Variants in LY75 observed in about 807,000 individuals in gnomAD.
LY75 encodes C-type lectin domain family 13 member B.
A neutral mutation model predicts 231.7 loss-of-function variants in LY75; 185 were observed. The ratio of observed to expected loss-of-function variants is 0.80; its 90% confidence interval spans 0.71 to 0.90. The LOEUF is 0.90. LY75 is among the 40% of genes least tolerant of loss of function. The pLI, the probability that LY75 is intolerant of heterozygous loss-of-function variation, is 0.00. For missense variants in LY75, 1,947 were observed against 2,050.2 expected (o/e 0.95, Z 0.97); for synonymous variants, 668 against 689.0 (o/e 0.97, Z 0.48).
chr2:159,838,047 C>A (rs1167266298), intron 25 of LY75, among the ~76,000 whole-genome samples: 2 of 152,198 alleles, frequency 1.3e-5, no homozygotes, highest in Non-Finnish European at 2.9e-5. Flanking sequence ...AGCTGCCTCT[C>A]CTCAGACACT....
chr2:159,827,934 A>C (rs1683524487), intron 28 of LY75, among the ~76,000 whole-genome samples: 3 of 152,020 alleles, frequency 2.0e-5, no homozygotes, highest in Admixed American at 2.0e-4. Flanking sequence ...AGGGAGTGGA[A>C]CATCACACAC....
chr2:159,870,243 G>C (rs1012137517), intron 13 of LY75, among the ~76,000 whole-genome samples: 4 of 152,104 alleles, frequency 2.6e-5, no homozygotes, highest in Non-Finnish European at 5.9e-5. Context: ...CTTGAGCCAG[G>C]AATCTGAGAT....
chr2:159,849,114 G>A (rs1185004111), intron 23 of LY75, among the ~76,000 whole-genome samples: 1 of 152,088 alleles, frequency 6.6e-6, no homozygotes, highest in Non-Finnish European at 1.5e-5. Context: ...GTAATAATTT[G>A]ATATTTATAT....
At chr2:159,901,504 A>C (rs1179436618) in intron 1 of LY75, among the ~76,000 whole-genome samples, 2 of 152,216 alleles carry the variant, frequency 1.3e-5, no homozygotes, top group Non-Finnish European at 2.9e-5. Flanking sequence ...GATCCCAAAC[A>C]GGTGAACTGG....
intron 11 of LY75, among the ~76,000 whole-genome samples, chr2:159,876,904 G>A (rs1301433557): frequency 6.6e-6 from 1 of 150,398 alleles, no homozygotes; most frequent in Non-Finnish European, 1.5e-5. Context: ...AGCTACTTGG[G>A]AGGCTGAGGC....
In LY75 at chr2:159,875,538, C is replaced by T. The variant is rs777126210; in HGVS notation, c.1880G>A (p.Ser627Asn). The change falls in exon 12 of 35, where the codon AGT becomes AAT. Residue 627 changes from serine to asparagine, a missense_variant. Ser to Asn is a conservative substitution (Grantham distance 46). Transcript: ENST00000263636. ...TGCTTCTTCAGGCCCAAGGGGTCCA[C>T]TCATTTTCTTGCAAATTGAAAGTGC... ...FKALSICKKM[S>N]GPLGPEEASP... 5 of 1,613,976 alleles carry T rather than the reference C, an allele frequency of 3.1e-6. No homozygotes were observed. The African/African-American group carries it at 5.3e-5, about 17-fold the overall frequency.
intron 2 of LY75, among the ~76,000 whole-genome samples, chr2:159,894,390 G>A (rs1472385970): frequency 6.6e-6 from 1 of 152,232 alleles, no homozygotes; most frequent in Non-Finnish European, 1.5e-5. Flanking sequence ...GGCGCTGAAA[G>A]AGCCTGGCTT....
intron 25 of LY75, among the ~76,000 whole-genome samples, chr2:159,838,888 C>G (rs952957152): frequency 6.6e-6 from 1 of 152,058 alleles, no homozygotes; most frequent in Admixed American, 6.6e-5. Context: ...CTCCACCTCC[C>G]AGGTTCAAGT....
rs1188465686 is a variant in LY75, at chr2:159,872,437, T to G, written c.2117+14A>C. The stretch of plus-strand genomic sequence containing the variant: ...TCAAATTCAGCATAGAAATTCTCAT[T>G]CTTAAAGTATTACCTGAACTGGTCC... On this transcript the variant is annotated intron_variant, in intron 13 of 34. Coordinates refer to ENST00000263636, the MANE Select transcript of LY75 (RefSeq NM_002349.4). The G allele has an allele frequency of 3.1e-6, 5 of 1,611,212 alleles. No individual in the cohort carries two copies. Among genetic ancestry groups the G allele is most frequent in the African/African-American group, 2.7e-5 (2 of 74,672 alleles).
intron 25 of LY75, among the ~76,000 whole-genome samples, chr2:159,837,145 T>C (rs1683854483): frequency 6.6e-6 from 1 of 152,180 alleles, no homozygotes; most frequent in African/African-American, 2.4e-5. Context: ...ACTGGGTATA[T>C]ACCCAGAGGA....
chr2:159,808,695 CAG>C (rs1384058030), intron 32 of LY75, 124 bp from the exon 33 acceptor site: 1 of 1,353,756 alleles, frequency 7.4e-7, no homozygotes, highest in African/African-American at 1.5e-5. Context: ...AAGCCTTACA[CAG>C]AGACAGTTTT....
chr2:159,872,337 T>C (rs2125867721), intron 13 of LY75, 114 bp downstream of exon 13: 3 of 1,375,482 alleles, frequency 2.2e-6, no homozygotes, highest in Middle Eastern at 3.9e-4. Flanking sequence ...ACCTTTTAGA[T>C]AATAAAACAT....
At chr2:159,870,499 AAC>A (rs1684978652) in intron 13 of LY75, among the ~76,000 whole-genome samples, 1 of 152,014 alleles carries the variant, frequency 6.6e-6, no homozygotes. Flanking sequence ...TTTCAAAGAA[AAC>A]ATTCTATTCA....
intron 2 of LY75, among the ~76,000 whole-genome samples, chr2:159,896,152 T>C (rs1163625891): frequency 6.6e-6 from 1 of 152,226 alleles, no homozygotes; most frequent in Non-Finnish European, 1.5e-5. Flanking sequence ...CTGATAGTTC[T>C]GCAGCCACCC....
chr2:159,860,644 A>G (rs1337520744), intron 15 of LY75, among the ~76,000 whole-genome samples, 177 bp downstream of exon 15: 1 of 152,162 alleles, frequency 6.6e-6, no homozygotes, highest in Non-Finnish European at 1.5e-5. Flanking sequence ...TATGAATTTT[A>G]TCCTCTCAAA....
intron 5 of LY75, among the ~76,000 whole-genome samples, chr2:159,885,541 A>G (rs1214011478): frequency 6.6e-6 from 1 of 152,204 alleles, no homozygotes; most frequent in Non-Finnish European, 1.5e-5. Context: ...AACAAAAACC[A>G]AACTTTTTCC....
At chr2:159,838,137 C>T (rs1006793935) in intron 25 of LY75, among the ~76,000 whole-genome samples, 1 of 152,158 alleles carries the variant, frequency 6.6e-6, no homozygotes, top group Non-Finnish European at 1.5e-5. Context: ...GCGTCCTCCC[C>T]GGCCTTCCAC....
chr2:159,816,767 C>T (rs774356406), intron 30 of LY75, 39 bp downstream of exon 30: 1 of 1,605,138 alleles, frequency 6.2e-7, no homozygotes, highest in Non-Finnish European at 8.5e-7. Context: ...CTCAAAATAA[C>T]ACATTTGAAA....
At chr2:159,828,700 T>C (rs1314934720) in intron 28 of LY75, among the ~76,000 whole-genome samples, 1 of 152,194 alleles carries the variant, frequency 6.6e-6, no homozygotes, top group African/African-American at 2.4e-5. Flanking sequence ...AGAAGCATTA[T>C]ACATAATAAT....
Sources: allele counts gnomAD v4.1 joint callset (sites outside exome capture counted in the v4.1 genomes callset), GRCh38; gene constraint gnomAD v4.1.1; transcripts MANE v1.5; gene names NCBI Gene and HGNC (gene_info 2026-07-23, HGNC 2026-07-21).